The following LRP1B variants were observed in gnomAD, a reference collection of about 807,000 sequenced individuals.
LRP1B encodes low-density lipoprotein receptor-related protein 1B.
LRP1B carries 217 observed loss-of-function variants against 556.6 expected under a neutral mutation model. The observed-to-expected ratio is 0.39, with a 90% confidence interval of 0.35 to 0.44. LRP1B has a LOEUF of 0.44. Ranked by LOEUF, LRP1B falls within the 20% of genes least tolerant of loss-of-function variation. LRP1B has a pLI of 1.00. For missense variants in LRP1B, 5,053 were observed against 5,620.8 expected, an observed-to-expected ratio of 0.90 and a Z score of 3.23; for synonymous variants, 2,047 against 1,865.8, an observed-to-expected ratio of 1.10 and a Z score of -2.50.
At chr2:141,400,745 C>A (rs10427300) in intron 3 of LRP1B, among the ~76,000 whole-genome samples, 152,129 of 152,348 alleles carry the variant, frequency 1, 75,955 homozygotes, top group Non-Finnish European at 1. Flanking sequence ...TCCATGATTT[C>A]AGTAAAACCT....
At chr2:141,731,360 G>T (rs1211658499) in intron 2 of LRP1B, among the ~76,000 whole-genome samples, 1 of 152,060 alleles carries the variant, frequency 6.6e-6, no homozygotes, top group Non-Finnish European at 1.5e-5. Context: ...ACAGCTGCTG[G>T]CTTAGGCCCT....
chr2:141,370,651 A>T (rs1158612819), intron 3 of LRP1B, among the ~76,000 whole-genome samples: 2 of 151,986 alleles, frequency 1.3e-5, no homozygotes, highest in African/African-American at 4.8e-5. Flanking sequence ...TTTTTTGTTT[A>T]AATCCCATTT....
chr2:140,597,421 T>A (rs889620754), intron 43 of LRP1B, among the ~76,000 whole-genome samples: 1 of 152,004 alleles, frequency 6.6e-6, no homozygotes, highest in Non-Finnish European at 1.5e-5. Flanking sequence ...TTCAATATCA[T>A]GACATAATAA....
chr2:140,766,881 T>C lies in LRP1B; in HGVS notation c.5758+2332A>G, dbSNP rs538305253. On this transcript the variant is annotated intron_variant, in intron 35 of 90. Transcript: ENST00000389484. The stretch of plus-strand genomic sequence containing the variant: ...ATATATATATAATATATATAACATA[T>C]GATAATTTCTACAATATTTTACTTC... 2.8e-5 allele frequency among the ~76,000 whole-genome samples: 4 copies of C among 144,626 alleles called. No individual in the cohort carries two copies. In the South Asian group the frequency reaches 6.4e-4, roughly 23 times the overall value. The allele number at this position is 144,626 out of a possible 152,430, so 94.9% of individuals were successfully genotyped here. A position where few individuals can be genotyped will look rare whatever the true frequency, so the allele number is the denominator to read the frequency against.
At chr2:140,635,465 A>G (rs961019776) in intron 41 of LRP1B, among the ~76,000 whole-genome samples, 1 of 151,860 alleles carries the variant, frequency 6.6e-6, no homozygotes. Flanking sequence ...TTATTTTTAT[A>G]TTCATTTATT....
At chr2:141,685,885 A>T (rs1691276622) in intron 2 of LRP1B, among the ~76,000 whole-genome samples, 1 of 152,068 alleles carries the variant, frequency 6.6e-6, no homozygotes, top group African/African-American at 2.4e-5. Context: ...ATTTTCATAT[A>T]TAAAAAAAAA....
At chr2:140,664,608 G>T (rs1685205463) in intron 41 of LRP1B, among the ~76,000 whole-genome samples, 1 of 152,018 alleles carries the variant, frequency 6.6e-6, no homozygotes, top group East Asian at 1.9e-4. Context: ...TCTAATTTTA[G>T]ACTCTTATCA....
Position 141,978,220 on chromosome 2 carries a change from G to T in LRP1B, c.82+152428C>A, listed in dbSNP as rs1561021. Among the ~76,000 whole-genome samples, 10 of 151,996 alleles carry T rather than the reference G, an allele frequency of 6.6e-5. No homozygotes were observed. The East Asian group carries it at 1.4e-3, about 21-fold the overall frequency. Reference sequence around the variant, plus strand: ...AAATTACATTTCTGAAAAACACAACGTCTATGCTTAATTGGGTCATTGGGG... The same window carrying T: ...AAATTACATTTCTGAAAAACACAACTTCTATGCTTAATTGGGTCATTGGGG... On this transcript the variant is annotated intron_variant, in intron 1 of 90. Transcript: ENST00000389484.
intron 1 of LRP1B, among the ~76,000 whole-genome samples, chr2:142,064,954 G>T (rs190941366): frequency 1.3e-5 from 2 of 149,528 alleles, no homozygotes; most frequent in African/African-American, 2.4e-5. Flanking sequence ...CAATAGCAGA[G>T]TTTTGGGCTT....
At chr2:140,246,338 CAA>C (rs1485017526) in intron 87 of LRP1B, among the ~76,000 whole-genome samples, 3 of 151,324 alleles carry the variant, frequency 2.0e-5, no homozygotes, top group Non-Finnish European at 4.4e-5. Context: ...ACAAATTTTT[CAA>C]AGGTTTTTCA....
At chr2:141,480,282 T>A (rs1682870723) in intron 3 of LRP1B, 114 bp downstream of exon 3, 1 of 1,145,424 alleles carries the variant, frequency 8.7e-7, no homozygotes, top group South Asian at 1.3e-5. Context: ...CATGCTTTCT[T>A]AATAACTGAT....
At position 141,544,358 on chromosome 2, in the gene LRP1B, C is replaced by CTT. The variant is rs1406295621; in HGVS notation, c.206-63827_206-63826dup. Among the ~76,000 whole-genome samples, 284 of 96,572 alleles carry CTT rather than the reference C, an allele frequency of 2.9e-3. 2 individuals are homozygous for CTT. The highest frequency in any genetic ancestry group is 7.5e-3 in the African/African-American group (194 of 25,896). The allele number at this position is 96,572 out of a possible 152,430, so 63.4% of individuals were successfully genotyped here. A position where few individuals can be genotyped will look rare whatever the true frequency, so the allele number is the denominator to read the frequency against. On this transcript the variant is annotated intron_variant, in intron 2 of 90. Transcript: ENST00000389484. ...TCTTCTTCTTCTTCTTCTTCTTCTT[C>CTT]TTCTTCTTCTTCTTCTTCTTCTTCT...
chr2:140,877,052 T>A (rs1381385826), intron 25 of LRP1B, among the ~76,000 whole-genome samples: 1 of 151,892 alleles, frequency 6.6e-6, no homozygotes, highest in South Asian at 2.1e-4. Flanking sequence ...AATGCTTTCA[T>A]TTTTTTTCCT....
intron 2 of LRP1B, among the ~76,000 whole-genome samples, chr2:141,712,236 A>T (rs1187629898): frequency 6.6e-6 from 1 of 152,196 alleles, no homozygotes; most frequent in Non-Finnish European, 1.5e-5. Flanking sequence ...AGAAAAATTT[A>T]TGATCATTGG....
At chr2:140,759,172 T>C (rs1688836234) in intron 35 of LRP1B, among the ~76,000 whole-genome samples, 1 of 151,334 alleles carries the variant, frequency 6.6e-6, no homozygotes, top group African/African-American at 2.4e-5. Context: ...AGAAAATAGA[T>C]TTTTTTTTAA....
At chr2:140,393,453 A>G (rs1163841500) in intron 66 of LRP1B, among the ~76,000 whole-genome samples, 1 of 151,554 alleles carries the variant, frequency 6.6e-6, no homozygotes, top group African/African-American at 2.4e-5. Context: ...TAAGTTTGCT[A>G]TTAGTTTGAA....
intron 7 of LRP1B, among the ~76,000 whole-genome samples, chr2:141,186,956 CTTAACAT>C (rs1238857529): frequency 6.6e-6 from 1 of 151,984 alleles, no homozygotes; most frequent in African/African-American, 2.4e-5. Flanking sequence ...AGTTTCACCT[CTTAACAT>C]TTGACAGACA....
At chr2:141,584,270 AT>A (rs1687054574) in intron 2 of LRP1B, among the ~76,000 whole-genome samples, 1 of 151,906 alleles carries the variant, frequency 6.6e-6, no homozygotes, top group Non-Finnish European at 1.5e-5. Flanking sequence ...AAAGAAGATA[AT>A]TTTTTCAACT....
At chr2:141,951,874 A>G (rs1701115367) in intron 1 of LRP1B, among the ~76,000 whole-genome samples, 1 of 152,112 alleles carries the variant, frequency 6.6e-6, no homozygotes, top group South Asian at 2.1e-4. Flanking sequence ...TTAAGTTTCT[A>G]GGGTACATGT....
Sources: allele counts gnomAD v4.1 joint callset (sites outside exome capture counted in the v4.1 genomes callset), GRCh38; gene constraint gnomAD v4.1.1; transcripts MANE v1.5; gene names NCBI Gene and HGNC (gene_info 2026-07-23, HGNC 2026-07-21).